Variants in EVL observed in about 807,000 individuals in gnomAD.
EVL encodes ena/VASP-like protein.
EVL carries 21 observed loss-of-function variants against 59.6 expected under a neutral mutation model. The observed-to-expected ratio is 0.35, with a 90% CI of 0.25 to 0.51. The LOEUF is 0.51. Among genes scored for constraint, EVL ranks in the 20% least tolerant of loss-of-function variants. The pLI is 0.97. For synonymous variants in EVL, 198 were observed against 203.5 expected, an observed-to-expected ratio of 0.97 and a Z score of 0.23; for missense variants, 462 against 546.6, an observed-to-expected ratio of 0.85 and a Z score of 1.54.
At chr14:100,087,152 G>T (rs1234373651) in intron 2 of EVL, among the ~76,000 whole-genome samples, 1 of 152,170 alleles carries the variant, frequency 6.6e-6, no homozygotes, top group Non-Finnish European at 1.5e-5. Context: ...AAGGATAATG[G>T]TACAAGAATT....
At chr14:99,999,241 C>T (rs1421386585) in intron 1 of EVL, among the ~76,000 whole-genome samples, 1 of 151,872 alleles carries the variant, frequency 6.6e-6, no homozygotes, top group South Asian at 2.1e-4. Flanking sequence ...ATATTTGTGC[C>T]CTTTTGGTTT....
intron 3 of EVL, among the ~76,000 whole-genome samples, chr14:100,120,926 C>A (rs1178134612): frequency 6.6e-6 from 1 of 152,160 alleles, no homozygotes; most frequent in Non-Finnish European, 1.5e-5. Flanking sequence ...GACACAGCAC[C>A]AACAAGACTC....
At chr14:99,983,072 T>A (rs2060818231) in intron 1 of EVL, among the ~76,000 whole-genome samples, 1 of 152,188 alleles carries the variant, frequency 6.6e-6, no homozygotes. Context: ...CACCCTGTAT[T>A]TATTTTCTAG....
At chr14:100,142,599 CA>C (rs1889253843) in intron 13 of EVL, among the ~76,000 whole-genome samples, 1 of 152,236 alleles carries the variant, frequency 6.6e-6, no homozygotes, top group African/African-American at 2.4e-5. Flanking sequence ...CACAAGCGCA[CA>C]GGGGTGGAGG....
At chr14:100,064,168 A>G (rs2061885877), upstream of EVL, among the ~76,000 whole-genome samples, 1 of 152,244 alleles carries the variant, frequency 6.6e-6, no homozygotes, top group African/African-American at 2.4e-5. Flanking sequence ...CTCTCCAATT[A>G]GAACTGATAC....
chr14:100,097,839 G>A lies in EVL; in HGVS notation c.358+181G>A, dbSNP rs569359460. On this transcript the variant is annotated intron_variant, in intron 3 of 13. Transcript: ENST00000392920. ...TAGAGATATTAACAATTCAGAGGAG[G>A]AAAGAATGGAGTTTGTATCTCTTTG... 3.5e-5 allele frequency: 19 copies of A among 536,128 alleles called. No individual in the cohort carries two copies. The East Asian group carries it at 5.9e-4, about 17-fold the overall frequency. The allele number at this position is 536,128 out of a possible 1,614,324, so 33.2% of individuals were successfully genotyped here.
Position 100,123,581 on chromosome 14 carries a change from A to G in EVL, c.401A>G (p.Asp134Gly). The G allele has an allele frequency of 6.2e-7, 1 of 1,614,062 alleles. No homozygotes were observed. Among genetic ancestry groups the G allele is most frequent in the Non-Finnish European group, 8.5e-7 (1 of 1,179,998 alleles). Residue 134 changes from aspartate to glycine, a missense_variant, in exon 4 of 14, where the codon GAT becomes GGT. Coordinates refer to ENST00000392920, the MANE Select transcript of EVL (RefSeq NM_016337.3). ...CAGGTGCAGAATGGCCCCTCTCCTG[A>G]TGAGATGGACATCCAGAGAAGGTAA... ...QRQVQNGPSP[D>G]EMDIQRRQVM...
At chr14:100,004,548 T>C (rs2060966264) in intron 1 of EVL, among the ~76,000 whole-genome samples, 1 of 152,166 alleles carries the variant, frequency 6.6e-6, no homozygotes, top group South Asian at 2.1e-4. Flanking sequence ...TTTGATCATA[T>C]AAAAGTTTTG....
intron 1 of EVL, among the ~76,000 whole-genome samples, chr14:100,016,591 A>G (rs1383823402): frequency 2.0e-5 from 3 of 152,224 alleles, no homozygotes; most frequent in African/African-American, 4.8e-5. Context: ...ACAAACAAAC[A>G]AACAAAAACA....
chr14:100,025,951 C>T (rs1010683506), intron 1 of EVL, among the ~76,000 whole-genome samples: 1 of 151,696 alleles, frequency 6.6e-6, no homozygotes, highest in African/African-American at 2.4e-5. Flanking sequence ...AACAAACAAA[C>T]AAACAAAACA....
chr14:100,051,756 G>C (rs2061651249), intron 1 of EVL, among the ~76,000 whole-genome samples: 2 of 152,144 alleles, frequency 1.3e-5, no homozygotes, highest in Non-Finnish European at 1.5e-5. Context: ...AAGACTTCCT[G>C]GGGATAAATT....
chr14:100,005,133 T>C (rs983497861), intron 1 of EVL, among the ~76,000 whole-genome samples: 41 of 152,206 alleles, frequency 2.7e-4, no homozygotes, highest in Admixed American at 2.7e-3. Flanking sequence ...CGCCTCCATC[T>C]TGCTTCTAAC....
intron 1 of EVL, among the ~76,000 whole-genome samples, chr14:100,070,072 A>AAAC (rs1566996183): frequency 6.6e-6 from 1 of 151,536 alleles, no homozygotes; most frequent in African/African-American, 2.4e-5. Context: ...TAAAAAAAAA[A>AAAC]AAAAAAAGAA....
chr14:100,093,835 C>T (rs1350525015), intron 2 of EVL, among the ~76,000 whole-genome samples: 1 of 152,260 alleles, frequency 6.6e-6, no homozygotes, highest in East Asian at 1.9e-4. Flanking sequence ...GTTTCACATA[C>T]CCAAGATCCA....
At chr14:100,142,049 C>G in intron 13 of EVL, 1 of 370,506 alleles carries the variant, frequency 2.7e-6, no homozygotes, top group Non-Finnish European at 5.0e-6. Flanking sequence ...CGGCACCTTC[C>G]TGGAAGACCC....
rs762420923 is a variant in EVL at position 100,123,564 on chromosome 14, G to C, written c.384G>C (p.Gln128His). ...EGGPSSQRQV[Q>H]NGPSPDEMDI... ...GCCCCTCCAGCCAGCGTCAGGTGCA[G>C]AATGGCCCCTCTCCTGATGAGATGG... The change falls in exon 4 of 14, where the codon CAG (glutamine) becomes CAC (histidine). Residue 128 changes from glutamine to histidine, a missense_variant. Transcript: ENST00000392920. 2.5e-6 allele frequency: 4 copies of C among 1,614,164 alleles called. No individual in the cohort carries two copies. The South Asian group carries it at 3.3e-5, about 13-fold the overall frequency.
intron 8 of EVL, chr14:100,134,770 GCCCTGGGCCAATGGAGTTA>G (rs1888662328): frequency 6.6e-6 from 1 of 152,208 alleles, no homozygotes; most frequent in Non-Finnish European, 1.5e-5. Flanking sequence ...GGCAGAGCTG[GCCCTGGGCCAATGGAGTTA>G]CTGCTCCGAG....
chr14:100,069,721 C>T lies in EVL; in HGVS notation c.11+4210C>T, dbSNP rs529699485. Among the ~76,000 whole-genome samples, 9 of 152,166 alleles carry T rather than the reference C, an allele frequency of 5.9e-5. No homozygotes were observed. In the South Asian group the frequency reaches 1.0e-3, roughly 18 times the overall value. The stretch of plus-strand genomic sequence containing the variant: ...CTAGGTTATTCTCATGAGAATGTTA[C>T]GATACTCAGGTGGGCTGGGGCAGAA... On this transcript the variant is annotated intron_variant, in intron 1 of 13. Transcript: ENST00000392920.
chr14:100,022,209 C>T (rs958756252), intron 1 of EVL, among the ~76,000 whole-genome samples: 5 of 151,406 alleles, frequency 3.3e-5, no homozygotes, highest in Admixed American at 1.3e-4. Flanking sequence ...CTGTAGGCCT[C>T]GTTTGTGGAC....
Sources: allele counts gnomAD v4.1 joint callset (sites outside exome capture counted in the v4.1 genomes callset), GRCh38; gene constraint gnomAD v4.1.1; transcripts MANE v1.5; gene names NCBI Gene and HGNC (gene_info 2026-07-23, HGNC 2026-07-21).